The following AGMO variants were observed in gnomAD, a reference collection of about 807,000 sequenced individuals.
AGMO encodes the protein glyceryl-ether monooxygenase.
In AGMO, 75 loss-of-function variants were observed where a neutral mutation model predicts 60.2. The observed-to-expected ratio is 1.25, with a 90% CI of 1.03 to 1.51. The LOEUF (loss-of-function observed/expected upper bound fraction) is 1.51, where lower values mean the gene tolerates loss of function less well. Among genes scored for constraint, AGMO ranks in the 40% most tolerant of loss-of-function variants. The probability of loss-of-function intolerance (pLI) is 0.00; values close to 1 mark genes in which losing one functional copy is unlikely to be tolerated. For synonymous variants in AGMO, 261 were observed against 177.1 expected (o/e 1.47, Z -3.76); for missense variants, 763 against 525.5 (o/e 1.45, Z -4.42).
chr7:15,424,042 C>T (rs990493903), intron 4 of AGMO, among the ~76,000 whole-genome samples: 1 of 152,016 alleles, frequency 6.6e-6, no homozygotes, highest in African/African-American at 2.4e-5. Flanking sequence ...AGATGTTGTC[C>T]TTCTACATAA....
intron 3 of AGMO, among the ~76,000 whole-genome samples, chr7:15,455,081 TCACACACA>T (rs34074240): frequency 7.4e-4 from 108 of 146,214 alleles, no homozygotes; most frequent in African/African-American, 1.8e-3. Context: ...TCTCTCTTTC[TCACACACA>T]CACACACACA....
rs144549105 is a variant in AGMO, at chr7:15,493,334, A to AACACACACACACACAC, written c.409+51422_409+51437dup. 2.2e-3 allele frequency among the ~76,000 whole-genome samples: 156 copies of AACACACACACACACAC among 70,372 alleles called. 4 individuals carry two copies. Among genetic ancestry groups the AACACACACACACACAC allele is most frequent in the African/African-American group, 4.3e-3 (76 of 17,718 alleles). 46.2% of individuals were successfully genotyped at this position (70,372 alleles called of 152,430 possible). A position where few individuals can be genotyped will look rare whatever the true frequency, so the allele number is the denominator to read the frequency against. On this transcript the variant is annotated intron_variant, in intron 3 of 12. Coordinates refer to ENST00000342526, the MANE Select transcript of AGMO (RefSeq NM_001004320.2). ...GACACACACGCGCACAAACACACAA[A>AACACACACACACACAC]ACACACACACACACACACACACACA...
chr7:15,248,150 G>A (rs1782804948), intron 12 of AGMO, among the ~76,000 whole-genome samples: 1 of 109,636 alleles, frequency 9.1e-6, no homozygotes, highest in African/African-American at 3.2e-5. Flanking sequence ...ATGTCATAAA[G>A]AAGTGTCACA....
chr7:15,250,688 C>A (rs2128506283), intron 12 of AGMO, among the ~76,000 whole-genome samples: 1 of 152,182 alleles, frequency 6.6e-6, no homozygotes, highest in Admixed American at 6.5e-5. Flanking sequence ...GCCTGTAATC[C>A]CAGCACTTTG....
chr7:15,222,234 AG>A (rs1248081746), intron 12 of AGMO, among the ~76,000 whole-genome samples: 1 of 152,022 alleles, frequency 6.6e-6, no homozygotes, highest in East Asian at 1.9e-4. Context: ...TTTTTGGTCT[AG>A]GTATTAGAAT....
chr7:15,158,909 C>T, the AGMO span, among the ~76,000 whole-genome samples: 1 of 151,982 alleles, frequency 6.6e-6, no homozygotes, highest in Non-Finnish European at 1.5e-5. Context: ...AAAATAAATA[C>T]AAAATGTTGA....
At chr7:15,499,697 C>A (rs1783326494) in intron 3 of AGMO, among the ~76,000 whole-genome samples, 1 of 151,666 alleles carries the variant, frequency 6.6e-6, no homozygotes. Context: ...ATGCACGAGG[C>A]TATTTATTAC....
intron 12 of AGMO, among the ~76,000 whole-genome samples, chr7:15,322,573 TAA>T (rs1781171411): frequency 6.3e-5 from 3 of 47,436 alleles, no homozygotes; most frequent in South Asian, 6.7e-4. Context: ...TAAATATATA[TAA>T]ATATATATAA....
chr7:15,317,926 C>CGT (rs781476460), intron 12 of AGMO, among the ~76,000 whole-genome samples: 1 of 134,876 alleles, frequency 7.4e-6, no homozygotes. Context: ...TATACACACA[C>CGT]GTATATATAT....
chr7:15,298,442 T>A (rs1784465963), intron 12 of AGMO, among the ~76,000 whole-genome samples: 1 of 152,146 alleles, frequency 6.6e-6, no homozygotes, highest in African/African-American at 2.4e-5. Flanking sequence ...TCACCAAGGT[T>A]GAAGTGCAGT....
chr7:15,432,365 C>CATACATATATATATAT (rs1781276049), intron 3 of AGMO, among the ~76,000 whole-genome samples: 12 of 92,758 alleles, frequency 1.3e-4, no homozygotes, highest in African/African-American at 2.8e-4. Flanking sequence ...TATATATACA[C>CATACATATATATATAT]ACACATATAT....
intron 4 of AGMO, among the ~76,000 whole-genome samples, chr7:15,424,745 T>C (rs1178631467): frequency 6.6e-6 from 1 of 152,136 alleles, no homozygotes; most frequent in African/African-American, 2.4e-5. Flanking sequence ...TGCCTTGGAG[T>C]TCCGAGGCAA....
chr7:15,185,992 G>A, the AGMO span, among the ~76,000 whole-genome samples: 6 of 152,292 alleles, frequency 3.9e-5, no homozygotes, highest in East Asian at 1.2e-3. Flanking sequence ...TTGTGGGCAA[G>A]ATGTCTAGTT....
chr7:15,397,282 C>T (rs142711982), intron 5 of AGMO, among the ~76,000 whole-genome samples: 1 of 151,786 alleles, frequency 6.6e-6, no homozygotes, highest in East Asian at 1.9e-4. Flanking sequence ...CAGCAGGCGC[C>T]GGCTGGCCGC....
intron 3 of AGMO, among the ~76,000 whole-genome samples, chr7:15,519,440 C>A (rs936042408): frequency 6.6e-6 from 1 of 152,180 alleles, no homozygotes; most frequent in Non-Finnish European, 1.5e-5. Flanking sequence ...AGAAGCCCAA[C>A]AGACTAACAG....
chr7:15,263,049 C>T (rs553158030), intron 12 of AGMO, among the ~76,000 whole-genome samples: 133 of 152,148 alleles, frequency 8.7e-4, no homozygotes, highest in Non-Finnish European at 1.6e-3. Flanking sequence ...AACCCAAAAG[C>T]AAATGCAACA....
At chr7:15,429,698 A>T (rs1489690317) in intron 4 of AGMO, among the ~76,000 whole-genome samples, 4 of 152,050 alleles carry the variant, frequency 2.6e-5, no homozygotes, top group Non-Finnish European at 5.9e-5. Flanking sequence ...GAAATGTATT[A>T]GTAACATCCC....
chr7:15,323,998 AC>A (rs1442202958), intron 12 of AGMO, among the ~76,000 whole-genome samples: 1 of 152,162 alleles, frequency 6.6e-6, no homozygotes, highest in Non-Finnish European at 1.5e-5. Context: ...TTTCTTTAAA[AC>A]TGTAATTTGT....
At chr7:15,392,388 G>A (rs1447315972) in intron 6 of AGMO, among the ~76,000 whole-genome samples, 1 of 151,914 alleles carries the variant, frequency 6.6e-6, no homozygotes, top group Non-Finnish European at 1.5e-5. Context: ...CTTGTATATA[G>A]AAGGAACTGC....
Sources: gnomAD v4.1 joint callset for allele counts (sites outside exome capture counted in the v4.1 genomes callset) on GRCh38, gnomAD v4.1.1 for gene constraint, MANE v1.5 for transcripts, NCBI Gene and HGNC (gene_info 2026-07-23, HGNC 2026-07-21) for gene names.